BCAS3: variants seen among roughly 807,000 people sequenced by gnomAD.
The protein encoded by BCAS3 is BCAS4/BCAS3 fusion.
BCAS3 carries 53 observed loss-of-function variants against 116.1 expected under a neutral mutation model. The observed-to-expected ratio is 0.46, with a 90% CI of 0.37 to 0.57. BCAS3 has a LOEUF of 0.57. Ranked by LOEUF, BCAS3 falls within the 20% of genes least tolerant of loss-of-function variation. BCAS3 has a pLI of 0.00. For synonymous variants in BCAS3, 391 were observed against 408.2 expected (o/e 0.96, Z 0.51); for missense variants, 917 against 1,165.4 (o/e 0.79, Z 3.10).
chr17:61,002,403 A>G (rs1450292723), intron 15 of BCAS3, among the ~76,000 whole-genome samples: 1 of 152,078 alleles, frequency 6.6e-6, no homozygotes, highest in Non-Finnish European at 1.5e-5. Flanking sequence ...GGCAAATCAT[A>G]AACTCCAGAT....
At position 61,346,753 on chromosome 17, in the gene BCAS3, G is replaced by T. The variant is rs1179386266; in HGVS notation, c.2426-21574G>T. ...CAATCAGTGCCAAGTGTAGGAGAAGGCATGAAGGCAAGCCACTTCACCACA... is the reference window on the plus strand; with the variant it reads ...CAATCAGTGCCAAGTGTAGGAGAAGTCATGAAGGCAAGCCACTTCACCACA... On this transcript the variant is annotated intron_variant, in intron 22 of 23. Transcript: ENST00000407086. This position sits in a 1 kb window ranked among gnomAD's most constrained non-coding sequence, Gnocchi z 5.4. Among the ~76,000 whole-genome samples, 3 of 152,194 alleles carry T rather than the reference G, an allele frequency of 2.0e-5. No individual in the cohort carries two copies. In the East Asian group the frequency reaches 5.8e-4, roughly 29 times the overall value.
intron 22 of BCAS3, among the ~76,000 whole-genome samples, chr17:61,240,400 C>T (rs1386115072): frequency 6.6e-6 from 1 of 152,142 alleles, no homozygotes; most frequent in Non-Finnish European, 1.5e-5. Flanking sequence ...CCTGTAACCC[C>T]AGCACTTTGG....
At chr17:60,972,198 A>T (rs992455333) in intron 14 of BCAS3, among the ~76,000 whole-genome samples, 72 of 152,276 alleles carry the variant, frequency 4.7e-4, no homozygotes, top group African/African-American at 1.7e-3. Context: ...AATACCAGTT[A>T]TATATTCACC....
intron 7 of BCAS3, among the ~76,000 whole-genome samples, chr17:60,854,392 A>G (rs1022197199): frequency 1.3e-5 from 2 of 152,240 alleles, no homozygotes; most frequent in African/African-American, 4.8e-5. Context: ...AGTATGATTT[A>G]TAATCCTTTG....
intron 14 of BCAS3, among the ~76,000 whole-genome samples, chr17:60,981,280 G>A (rs112552251): frequency 2.0e-5 from 3 of 151,238 alleles, no homozygotes; most frequent in African/African-American, 7.3e-5. Flanking sequence ...TGTTTTAAGT[G>A]TATTTTTTTT....
chr17:60,818,588 TC>T (rs2049647975), intron 7 of BCAS3, among the ~76,000 whole-genome samples: 1 of 152,332 alleles, frequency 6.6e-6, no homozygotes, highest in African/African-American at 2.4e-5. Flanking sequence ...GTTTGCGAGT[TC>T]TGACCGATAT....
chr17:61,247,445 A>G (rs1480851407), intron 22 of BCAS3, among the ~76,000 whole-genome samples: 1 of 152,164 alleles, frequency 6.6e-6, no homozygotes, highest in Non-Finnish European at 1.5e-5. Flanking sequence ...CACAAAAAGT[A>G]TGGATTCATT....
chr17:61,195,557 T>TC (rs763265356), intron 22 of BCAS3, among the ~76,000 whole-genome samples: 10 of 151,474 alleles, frequency 6.6e-5, no homozygotes, highest in African/African-American at 2.4e-4. Flanking sequence ...TTTTTTTTTT[T>TC]GTAGAGACAG....
chr17:60,932,022 G>C (rs57449742), intron 13 of BCAS3, among the ~76,000 whole-genome samples: 7,053 of 152,104 alleles, frequency 0.046, 525 homozygotes, highest in African/African-American at 0.16. Context: ...GCAGTGAGCT[G>C]AGATCGCGCC....
At chr17:61,114,537 G>A (rs1378545652) in intron 22 of BCAS3, among the ~76,000 whole-genome samples, 1 of 151,490 alleles carries the variant, frequency 6.6e-6, no homozygotes, top group Non-Finnish European at 1.5e-5. Flanking sequence ...TACAAGGGAT[G>A]TGAAGGACCT....
At chr17:61,061,848 G>T (rs557555092) in intron 19 of BCAS3, among the ~76,000 whole-genome samples, 1 of 152,114 alleles carries the variant, frequency 6.6e-6, no homozygotes, top group African/African-American at 2.4e-5. Flanking sequence ...AAAAAACAAC[G>T]TGTTTGAGCA....
Position 61,224,555 on chromosome 17 carries a change from T to C in BCAS3, c.2425+139991T>C, listed in dbSNP as rs1381939601. Reference sequence around the variant, plus strand: ...AGATCCAGTCTGAGAAATAAGACTATACAGTGTAGTCCTTTGAATACTTTG... The same window carrying C: ...AGATCCAGTCTGAGAAATAAGACTACACAGTGTAGTCCTTTGAATACTTTG... On this transcript the variant is annotated intron_variant, in intron 22 of 23. Coordinates refer to ENST00000407086, the MANE Select transcript of BCAS3 (RefSeq NM_017679.5). The surrounding 1 kb of genome is among the most constrained non-coding windows in gnomAD (Gnocchi z 5.7). 2.0e-5 allele frequency among the ~76,000 whole-genome samples: 3 copies of C among 152,222 alleles called. No individual in the cohort carries two copies. Among genetic ancestry groups the C allele is most frequent in the Non-Finnish European group, 2.9e-5 (2 of 68,028 alleles).
At chr17:61,370,084 C>T (rs893011695) in intron 23 of BCAS3, among the ~76,000 whole-genome samples, 2 of 152,208 alleles carry the variant, frequency 1.3e-5, no homozygotes, top group African/African-American at 2.4e-5. Flanking sequence ...AGCTGTGGAA[C>T]TTCAGCCTGG....
chr17:60,988,338 C>CTTTTTTT (rs71148317), intron 14 of BCAS3, among the ~76,000 whole-genome samples: 3,132 of 65,580 alleles, frequency 0.048, 3 homozygotes, highest in Middle Eastern at 0.091. Context: ...TTTTCTTTTT[C>CTTTTTTT]TTTTTTTTTT....
intron 5 of BCAS3, among the ~76,000 whole-genome samples, chr17:60,713,698 G>A (rs2038203332): frequency 6.6e-6 from 1 of 152,350 alleles, no homozygotes; most frequent in African/African-American, 2.4e-5. Context: ...ATGAGAGAAT[G>A]TGTAAAGGTT....
Position 60,678,428 on chromosome 17 carries a change from C to T in BCAS3, c.-6+514C>T, listed in dbSNP as rs150725683. Among the ~76,000 whole-genome samples the T allele has an allele frequency of 1.8e-3, 273 of 152,226 alleles. 1 individual carries two copies. Among genetic ancestry groups the T allele is most frequent in the African/African-American group, 6.0e-3 (250 of 41,522 alleles). ...GATGAGTTCCAGGTTGTGGGCTTCC[C>T]TGAGCCCTGTAAGAGATCTTTGATA... On this transcript the variant is annotated intron_variant, in intron 1 of 23. Coordinates refer to ENST00000407086, the MANE Select transcript of BCAS3 (RefSeq NM_017679.5).
At chr17:61,202,104 C>A (rs1165936280) in intron 22 of BCAS3, among the ~76,000 whole-genome samples, 2 of 115,340 alleles carry the variant, frequency 1.7e-5, no homozygotes, top group Admixed American at 1.1e-4. Context: ...GTGCCAGACA[C>A]TATTCCAGGT....
intron 6 of BCAS3, among the ~76,000 whole-genome samples, chr17:60,750,302 T>A (rs948025749): frequency 2.6e-5 from 4 of 151,996 alleles, no homozygotes; most frequent in Non-Finnish European, 5.9e-5. Flanking sequence ...AAAAGAAAAG[T>A]TTTAGCAAAC....
chr17:60,845,045 C>T (rs2052380211), intron 7 of BCAS3, among the ~76,000 whole-genome samples: 1 of 152,116 alleles, frequency 6.6e-6, no homozygotes, highest in Non-Finnish European at 1.5e-5. Flanking sequence ...GACTGACCAA[C>T]ATGTTGAAAC....
Sources: allele counts gnomAD v4.1 joint callset (sites outside exome capture counted in the v4.1 genomes callset), GRCh38; gene constraint gnomAD v4.1.1; non-coding constraint Gnocchi (gnomAD v3.1); transcripts MANE v1.5; gene names NCBI Gene and HGNC (gene_info 2026-07-23, HGNC 2026-07-21).